PIAS3: variants seen among roughly 807,000 people sequenced by gnomAD.
PIAS3 encodes the protein protein inhibitor of activated STAT 3.
Under a neutral mutation model 67.6 loss-of-function variants are expected in PIAS3, and 34 were observed. The observed-to-expected ratio is 0.50, with a 90% CI of 0.38 to 0.67. PIAS3 has a LOEUF of 0.67. PIAS3 is among the 30% of genes least tolerant of loss of function. PIAS3 has a pLI of 0.00. For synonymous variants in PIAS3, 341 were observed against 313.8 expected (o/e 1.09, Z -0.92); for missense variants, 693 against 791.6 (o/e 0.88, Z 1.49).
intron 9 of PIAS3, 134 bp from the exon 10 acceptor site, chr1:145,851,287 G>A (rs928244634): frequency 1.4e-5 from 12 of 864,010 alleles, no homozygotes; most frequent in South Asian, 3.2e-5. Flanking sequence ...CTACTGGACC[G>A]CTCTGAGTTG....
Position 145,855,751 on chromosome 1 carries a change from T to G in PIAS3, c.654A>C (p.Lys218Asn), listed in dbSNP as rs1368053330. 1 of 1,595,734 alleles carries G rather than the reference T, an allele frequency of 6.3e-7. No individual in the cohort carries two copies. The highest frequency in any genetic ancestry group is 8.6e-7 in the Non-Finnish European group (1 of 1,164,800). ...PPNLFVKVNG[K>N]LCPLPGYLPP... ...GAGCATTTACCGGCAGGGGGCACAG[T>G]TTCCCATTGACCTTGACAAAGAGGT... Residue 218 changes from lysine (K) to asparagine (N), a missense_variant, in exon 5 of 14, where the codon AAA becomes AAC. Lys to Asn is a moderately conservative substitution (Grantham distance 94). Around this residue, in one of 3 missense-constraint regions of PIAS3, gnomAD observed 308 missense variants for 348.8 expected, o/e 0.88. Transcript: ENST00000393045.
At position 145,856,168 on chromosome 1, in the gene PIAS3, G is replaced by A. The variant is rs782536660; in HGVS notation, c.528-50C>T. 2.0e-6 allele frequency: 3 copies of A among 1,524,098 alleles called. No individual in the cohort carries two copies. The East Asian group carries it at 6.7e-5, about 34-fold the overall frequency. The allele number at this position is 1,524,098 out of a possible 1,614,324, so 94.4% of individuals were successfully genotyped here. ...GATGTCAGCATGTAGCCCCCAGAGG[G>A]CAAGGGTGAATGCACAGAAAGGCTG... On this transcript the variant is annotated intron_variant, in intron 3 of 13. Coordinates refer to ENST00000393045, the MANE Select transcript of PIAS3 (RefSeq NM_006099.3).
rs1553734185 is a variant in PIAS3 at position 145,850,909 on chromosome 1, T to C, written c.1310A>G (p.Asp437Gly). The change falls in exon 11 of 14, where the codon GAT becomes GGT. Residue 437 changes from aspartate to glycine, a missense_variant. By Grantham distance (94) the Asp-to-Gly change is moderately conservative. Around this residue, in one of 3 missense-constraint regions of PIAS3, gnomAD observed 270 missense variants for 261.0 expected, o/e 1.03. Coordinates refer to ENST00000393045, the MANE Select transcript of PIAS3 (RefSeq NM_006099.3). ...GLQYSPVQGG[D>G]PSENKKKVEV... ...GACCTTCTTCTTATTCTCTGATGGA[T>C]CTCCCCCCTGGACTGGGCTGTACTG... 1 of 1,614,172 alleles carries C rather than the reference T, an allele frequency of 6.2e-7. No homozygotes were observed. Among genetic ancestry groups the C allele is most frequent in the Non-Finnish European group, 8.5e-7 (1 of 1,180,038 alleles).
chr1:145,856,585 A>C lies in PIAS3; in HGVS notation c.442+4T>G. On this transcript the variant is annotated splice_donor_region_variant and intron_variant, in intron 2 of 13. Coordinates refer to ENST00000393045, the MANE Select transcript of PIAS3 (RefSeq NM_006099.3). ...GAAGACTAAGGGACCACAAAGAGCC[A>C]TACCAAGGGTGGTGGGCCGGATGAG... 1 of 1,568,578 alleles carries C rather than the reference A, an allele frequency of 6.4e-7. No homozygotes were observed. The highest frequency in any genetic ancestry group is 1.4e-5 in the African/African-American group (1 of 73,654).
chr1:145,849,628 A>C lies in PIAS3; in HGVS notation c.1705T>G (p.Phe569Val). The C allele has an allele frequency of 6.2e-7, 1 of 1,613,414 alleles. No homozygotes were observed. Among genetic ancestry groups the C allele is most frequent in the African/African-American group, 1.3e-5 (1 of 75,042 alleles). ...FFQYRGTPSH[F>V]LGPLAPTLGS... ...AGCGTGGGGGCCAGTGGGCCCAGAA[A>C]GTGAGAAGGGGTCCCTCGGTACTGG... is the stretch of plus-strand genomic sequence containing the variant. The change falls in exon 14 of 14, where the codon TTT (phenylalanine) becomes GTT (valine). Residue 569 changes from phenylalanine to valine, a missense_variant. Physicochemically the swap from Phe to Val is conservative, Grantham distance 50. This residue lies in a region of PIAS3 where 270 missense variants were observed against 261.0 expected (regional missense o/e 1.03). Coordinates refer to ENST00000393045, the MANE Select transcript of PIAS3 (RefSeq NM_006099.3).
In PIAS3 at chr1:145,850,869, C is replaced by G. The variant is rs1425765535; in HGVS notation, c.1350G>C (p.Leu450Phe). ...ENKKKVEVID[L>F]TIESSSDEED... is the part of the protein sequence containing the mutation. ...CCTCATCTGATGAGCTTTCTATTGT[C>G]AAGTCAATAACTTCGACCTTCTTCT... is the stretch of plus-strand genomic sequence containing the variant. Residue 450 changes from leucine (L) to phenylalanine (F), a missense_variant, in exon 11 of 14, where the codon TTG becomes TTC. By Grantham distance (22) the Leu-to-Phe change is conservative (BLOSUM62 0). Transcript: ENST00000393045. 6.2e-7 allele frequency: 1 copy of G among 1,614,100 alleles called. No individual in the cohort carries two copies. Among genetic ancestry groups the G allele is most frequent in the South Asian group, 1.1e-5 (1 of 91,094 alleles).
Position 145,854,748 on chromosome 1 carries a change from G to A in PIAS3, c.802C>T (p.Arg268Trp), listed in dbSNP as rs781969488. The change falls in exon 6 of 14, where the codon CGG becomes TGG. Residue 268 changes from arginine (R) to tryptophan (W), a missense_variant and splice_region_variant. By Grantham distance (101) the Arg-to-Trp change is moderately radical. Transcript: ENST00000393045. The stretch of plus-strand genomic sequence containing the variant: ...GCACCTGCTTTAGCTGTGCTCACCC[G>A]TCCGAACTCAGATGACCAATTGACC... ...IVVNWSSEFG[R>W]NYSLSVYLVR... 23 of 1,614,062 alleles carry A rather than the reference G, an allele frequency of 1.4e-5. No homozygotes were observed. The highest frequency in any genetic ancestry group is 2.7e-5 in the African/African-American group (2 of 74,922).
intron 13 of PIAS3, 40 bp from the exon 14 acceptor site, chr1:145,849,752 G>A (rs374986353): frequency 2.7e-5 from 41 of 1,521,730 alleles, no homozygotes; most frequent in Non-Finnish European, 2.9e-5. Flanking sequence ...TCTCAATCCC[G>A]ACTTCCCCAC....
chr1:145,858,914 A>AC, intron 1 of PIAS3, 53 bp downstream of exon 1: 1 of 1,450,294 alleles, frequency 6.9e-7, no homozygotes, highest in South Asian at 1.4e-5. Flanking sequence ...CTTCCCGGAC[A>AC]CGGCGTACCG....
At chr1:145,857,172 G>C (rs1385942367) in intron 1 of PIAS3, 166 bp from the exon 2 acceptor site, 2 of 640,516 alleles carry the variant, frequency 3.1e-6, no homozygotes, top group Admixed American at 2.8e-5. Flanking sequence ...CCTATCCAAA[G>C]GGACATCTCA....
Position 145,849,296 on chromosome 1 carries a change from A to G in PIAS3, c.*150T>C. The G allele has an allele frequency of 1.5e-6, 1 of 662,372 alleles. No homozygotes were observed. Among genetic ancestry groups the G allele is most frequent in the Non-Finnish European group, 2.3e-6 (1 of 436,904 alleles). The allele number at this position is 662,372 out of a possible 1,614,324, so 41.0% of individuals were successfully genotyped here. On this transcript the variant is annotated 3_prime_UTR_variant, in exon 14 of 14. Transcript: ENST00000393045. ...TAACCCTTTGGGTGCTGGCCTTGTC[A>G]GGCAGAGATGAGGCCAAAAGTAGGC...
chr1:145,854,956 G>A lies in PIAS3; in HGVS notation c.670-76C>T, dbSNP rs1484183880. On this transcript the variant is annotated intron_variant, in intron 5 of 13. Coordinates refer to ENST00000393045, the MANE Select transcript of PIAS3 (RefSeq NM_006099.3). The stretch of plus-strand genomic sequence containing the variant: ...CTGCTCTTTGAACAAAAGATATCTT[G>A]TCTCGGGTTATTCAATCCCTGGAGG... The A allele has an allele frequency of 7.1e-6, 11 of 1,550,662 alleles. No individual in the cohort carries two copies. In the African/African-American group the frequency reaches 1.5e-4, roughly 21 times the overall value.
Position 145,850,821 on chromosome 1 carries a change from C to G in PIAS3, c.1398G>C (p.Lys466Asn), listed in dbSNP as rs1166819466. 7 of 1,614,114 alleles carry G rather than the reference C, an allele frequency of 4.3e-6. No homozygotes were observed. Among genetic ancestry groups the G allele is most frequent in the African/African-American group, 1.3e-5 (1 of 74,938 alleles). ...SDEEDLPPTK[K>N]HCSVTSAAIP... The stretch of plus-strand genomic sequence containing the variant: ...TGGCAGCTGAGGTGACAGAACAGTG[C>G]TTCTTGGTAGGGGGCAGATCCTCCT... Residue 466 changes from lysine (K) to asparagine (N), a missense_variant, in exon 11 of 14, where the codon AAG becomes AAC. Physicochemically the swap from Lys to Asn is moderately conservative, Grantham distance 94. Around this residue, in one of 3 missense-constraint regions of PIAS3, gnomAD observed 270 missense variants for 261.0 expected, o/e 1.03. Transcript: ENST00000393045.
rs1559165434 is a variant in PIAS3 at position 145,856,799 on chromosome 1, G to C, written c.232C>G (p.Leu78Val). The change falls in exon 2 of 14, where the codon CTC becomes GTC. Residue 78 changes from leucine to valine, a missense_variant. Leu to Val is a conservative substitution (Grantham distance 32). This residue lies in a region of PIAS3 where 308 missense variants were observed against 348.8 expected (regional missense o/e 0.88). Coordinates refer to ENST00000393045, the MANE Select transcript of PIAS3 (RefSeq NM_006099.3). ...KTLGPSDLSL[L>V]SLPPGTSPVG... is the part of the protein sequence containing the mutation. ...GGAGAGGTGCCAGGGGGCAAAGAGA[G>C]AAGGGAGAGATCAGAGGGCCCCAGG... is the stretch of plus-strand genomic sequence containing the variant. 6.2e-7 allele frequency: 1 copy of C among 1,614,066 alleles called. No individual in the cohort carries two copies. The highest frequency in any genetic ancestry group is 8.5e-7 in the Non-Finnish European group (1 of 1,180,014).
intron 1 of PIAS3, 186 bp from the exon 2 acceptor site, chr1:145,857,192 T>C (rs587676007): frequency 3.3e-6 from 2 of 608,856 alleles, no homozygotes; most frequent in East Asian, 2.7e-5. Flanking sequence ...AGTCCCACTT[T>C]AGCAACCATC....
At position 145,854,807 on chromosome 1, in the gene PIAS3, G is replaced by A; in HGVS notation, c.743C>T (p.Ala248Val). The A allele has an allele frequency of 6.2e-7, 1 of 1,614,230 alleles. No homozygotes were observed. Among genetic ancestry groups the A allele is most frequent in the Non-Finnish European group, 8.5e-7 (1 of 1,180,034 alleles). Reference sequence around the variant, plus strand: ...GTTGGGAACAGTGGCTGAGAGTCGAGCCAGGGGTGTGATGTTGATGGGGCG... The same window carrying A: ...GTTGGGAACAGTGGCTGAGAGTCGAACCAGGGGTGTGATGTTGATGGGGCG... ...PSRPINITPL[A>V]RLSATVPNTI... Residue 248 changes from alanine (A) to valine (V), a missense_variant, in exon 6 of 14, where the codon GCT (alanine) becomes GTT (valine). Physicochemically the swap from Ala to Val is moderately conservative, Grantham distance 64. Coordinates refer to ENST00000393045, the MANE Select transcript of PIAS3 (RefSeq NM_006099.3).
chr1:145,858,869 G>A (rs1653305016), intron 1 of PIAS3, 98 bp downstream of exon 1: 1 of 1,151,896 alleles, frequency 8.7e-7, no homozygotes, highest in Admixed American at 3.7e-5. Flanking sequence ...CACGTCGTCG[G>A]CGCCCACCCG....
At chr1:145,852,771 A>T (rs1553734664) in intron 9 of PIAS3, among the ~76,000 whole-genome samples, 2 of 151,482 alleles carry the variant, frequency 1.3e-5, no homozygotes, top group Non-Finnish European at 2.9e-5. Context: ...AATTTTTTTA[A>T]TTTTTTATAG....
intron 7 of PIAS3, 80 bp downstream of exon 7, chr1:145,854,378 T>A (rs1308368970): frequency 4.2e-6 from 4 of 958,460 alleles, no homozygotes; most frequent in Non-Finnish European, 6.7e-6. Flanking sequence ...AAAAGAGGTA[T>A]GGGTTTAATT....
Sources: allele counts gnomAD v4.1 joint callset (sites outside exome capture counted in the v4.1 genomes callset), GRCh38; gene constraint gnomAD v4.1.1; regional missense constraint gnomAD v4.1.1; transcripts MANE v1.5; gene names NCBI Gene and HGNC (gene_info 2026-07-23, HGNC 2026-07-21).